CAP2: variants seen among roughly 807,000 people sequenced by gnomAD.
CAP2 encodes the protein adenylyl cyclase-associated protein 2.
In CAP2, 24 loss-of-function variants were observed where a neutral mutation model predicts 57.7. The ratio of observed to expected loss-of-function variants is 0.42; its 90% CI spans 0.30 to 0.58. The LOEUF is 0.58. CAP2 is among the 20% of genes least tolerant of loss of function. CAP2 has a pLI of 0.22. For missense variants in CAP2, 501 were observed against 590.3 expected (o/e 0.85, Z 1.57); for synonymous variants, 194 against 207.2 (o/e 0.94, Z 0.55).
At chr6:17,542,751 C>T in intron 9 of CAP2, 86 bp from the exon 10 acceptor site, 1 of 1,049,862 alleles carries the variant, frequency 9.5e-7, no homozygotes, top group Non-Finnish European at 1.4e-6. Context: ...AGCCATACTT[C>T]ATGCTGAGCT....
chr6:17,552,198 T>C (rs1763185989), intron 12 of CAP2, among the ~76,000 whole-genome samples: 1 of 152,240 alleles, frequency 6.6e-6, no homozygotes, highest in African/African-American at 2.4e-5. Flanking sequence ...ACTTGGCCAC[T>C]ATTTATTTTC....
intron 2 of CAP2, among the ~76,000 whole-genome samples, chr6:17,422,329 A>G (rs966995633): frequency 7.1e-6 from 1 of 140,902 alleles, no homozygotes; most frequent in African/African-American, 2.6e-5. Context: ...ACCTTTGCCT[A>G]TTCCTAACCA....
intron 1 of CAP2, among the ~76,000 whole-genome samples, chr6:17,420,320 A>C (rs539292710): frequency 6.6e-6 from 1 of 152,260 alleles, no homozygotes; most frequent in Non-Finnish European, 1.5e-5. Context: ...GCCTTACAAA[A>C]GGAAAATAAC....
intron 4 of CAP2, among the ~76,000 whole-genome samples, chr6:17,498,288 A>G (rs889383516): frequency 3.3e-5 from 5 of 152,242 alleles, no homozygotes; most frequent in African/African-American, 1.2e-4. Context: ...GTGGCCCCAA[A>G]ATCCTAGAGA....
chr6:17,508,850 C>T (rs548553758), intron 6 of CAP2, among the ~76,000 whole-genome samples: 19 of 151,912 alleles, frequency 1.3e-4, no homozygotes, highest in African/African-American at 2.9e-4. Context: ...CTCTGCCTCC[C>T]GGGTTCAAGC....
chr6:17,522,865 G>A (rs946911395), intron 7 of CAP2, among the ~76,000 whole-genome samples: 6 of 152,268 alleles, frequency 3.9e-5, no homozygotes, highest in Non-Finnish European at 8.8e-5. Context: ...CACGATCTCG[G>A]CTCATTGCAA....
intron 4 of CAP2, among the ~76,000 whole-genome samples, chr6:17,502,968 T>C (rs1247744672): frequency 2.0e-5 from 3 of 152,222 alleles, no homozygotes; most frequent in African/African-American, 7.2e-5. Flanking sequence ...GAAGGAGATG[T>C]TTGCTTTCTA....
chr6:17,496,650 A>G (rs1761675623), intron 4 of CAP2, among the ~76,000 whole-genome samples: 1 of 152,172 alleles, frequency 6.6e-6, no homozygotes. Flanking sequence ...ATAACAAACA[A>G]TGGAATCTTA....
chr6:17,500,340 A>AATATATAT (rs4052821), intron 4 of CAP2, among the ~76,000 whole-genome samples: 2,954 of 32,838 alleles, frequency 0.09, 456 homozygotes, highest in Non-Finnish European at 0.14. Context: ...TGTGTGTCCA[A>AATATATAT]ATATATATAT....
chr6:17,541,324 A>G (rs1467473767), intron 9 of CAP2, among the ~76,000 whole-genome samples, 176 bp downstream of exon 9: 1 of 152,164 alleles, frequency 6.6e-6, no homozygotes, highest in East Asian at 1.9e-4. Context: ...AGAATGTGTA[A>G]TGATCGGCAC....
At chr6:17,534,881 A>G (rs1762735308) in intron 7 of CAP2, among the ~76,000 whole-genome samples, 3 of 152,104 alleles carry the variant, frequency 2.0e-5, no homozygotes, top group Non-Finnish European at 2.9e-5. Context: ...TCTCAGAACA[A>G]CTTGAGCCCT....
chr6:17,424,820 T>C (rs1338821995), intron 2 of CAP2, among the ~76,000 whole-genome samples: 1 of 152,234 alleles, frequency 6.6e-6, no homozygotes, highest in Non-Finnish European at 1.5e-5. Context: ...TACCTTCTGC[T>C]ATGTAGAGGA....
intron 7 of CAP2, among the ~76,000 whole-genome samples, chr6:17,528,573 G>A (rs981835724): frequency 2.0e-5 from 3 of 152,186 alleles, no homozygotes; most frequent in Admixed American, 6.5e-5. Context: ...AGAAATCATC[G>A]ACGAAACCAT....
At chr6:17,500,367 A>ATATATATATATATG in intron 4 of CAP2, among the ~76,000 whole-genome samples, 1 of 103,452 alleles carries the variant, frequency 9.7e-6, no homozygotes, top group Non-Finnish European at 1.9e-5. Flanking sequence ...ATATATATAT[A>ATATATATATATATG]TATATATATA....
chr6:17,528,016 C>G (rs1762551322), intron 7 of CAP2, among the ~76,000 whole-genome samples: 1 of 152,176 alleles, frequency 6.6e-6, no homozygotes, highest in African/African-American at 2.4e-5. Context: ...TTAGAAGGGC[C>G]ACATCTGGGT....
intron 1 of CAP2, among the ~76,000 whole-genome samples, chr6:17,420,844 T>A (rs907138720): frequency 1.3e-4 from 20 of 152,218 alleles, no homozygotes; most frequent in African/African-American, 4.8e-4. Context: ...AATGCCAATT[T>A]TTTTTTGTTC....
At chr6:17,495,519 G>A (rs185223704) in intron 4 of CAP2, among the ~76,000 whole-genome samples, 13 of 152,244 alleles carry the variant, frequency 8.5e-5, no homozygotes, top group Admixed American at 4.6e-4. Flanking sequence ...TATACACACC[G>A]TTAGCCACAC....
intron 3 of CAP2, among the ~76,000 whole-genome samples, chr6:17,428,796 G>A (rs1479350072): frequency 6.6e-6 from 1 of 151,772 alleles, no homozygotes; most frequent in African/African-American, 2.4e-5. Context: ...GTTAAAAAAA[G>A]TATAAAGGGA....
chr6:17,457,288 C>G (rs1187426369), intron 3 of CAP2, among the ~76,000 whole-genome samples: 1 of 152,196 alleles, frequency 6.6e-6, no homozygotes, highest in South Asian at 2.1e-4. Flanking sequence ...CAAAACCCCT[C>G]GATTATTTGT....
Sources: allele counts gnomAD v4.1 joint callset (sites outside exome capture counted in the v4.1 genomes callset), GRCh38; gene constraint gnomAD v4.1.1; transcripts MANE v1.5; gene names NCBI Gene and HGNC (gene_info 2026-07-23, HGNC 2026-07-21).